CFTR: variants seen among roughly 807,000 people sequenced by gnomAD.
The protein encoded by CFTR is CF transmembrane conductance regulator.
In CFTR, 181 loss-of-function variants were observed where a neutral mutation model predicts 171.6. The observed-to-expected ratio is 1.05, with a 90% CI of 0.93 to 1.19. The LOEUF is 1.19. Among genes scored for constraint, CFTR ranks in the 50% most tolerant of loss-of-function variants. CFTR has a pLI of 0.00. For missense variants in CFTR, 1,968 were observed against 1,734.7 expected, an observed-to-expected ratio of 1.13 and a Z score of -2.39; for synonymous variants, 583 against 608.0, an observed-to-expected ratio of 0.96 and a Z score of 0.60.
intron 26 of CFTR, among the ~76,000 whole-genome samples, chr7:117,666,215 C>T (rs898877207): frequency 6.6e-6 from 1 of 152,146 alleles, no homozygotes; most frequent in Non-Finnish European, 1.5e-5. Context: ...CAAAACAAAA[C>T]TGTCACAGCT....
chr7:117,612,031 A>G (rs867950244), intron 20 of CFTR, among the ~76,000 whole-genome samples: 1,118 of 75,074 alleles, frequency 0.015, 51 homozygotes, highest in African/African-American at 0.06. Context: ...ATGTATATAT[A>G]TATATATATA....
chr7:117,573,301 T>C (rs1289169885), intron 11 of CFTR, among the ~76,000 whole-genome samples: 1 of 152,192 alleles, frequency 6.6e-6, no homozygotes. Context: ...TTAATCTTTA[T>C]TGCACACTTA....
intron 10 of CFTR, among the ~76,000 whole-genome samples, chr7:117,556,275 G>A (rs1168388752): frequency 2.0e-5 from 3 of 151,922 alleles, no homozygotes. Context: ...ATGTTGGCCA[G>A]GATGGTATTG....
intron 11 of CFTR, among the ~76,000 whole-genome samples, chr7:117,573,057 T>TC (rs1554386731): frequency 3.9e-5 from 4 of 103,500 alleles, no homozygotes; most frequent in Admixed American, 9.4e-5. Flanking sequence ...TCTCTCTCTC[T>TC]TGCTCTCTCT....
chr7:117,489,437 A>G (rs17139943), intron 1 of CFTR, among the ~76,000 whole-genome samples: 44,925 of 152,000 alleles, frequency 0.3, 8,647 homozygotes, highest in African/African-American at 0.55. Context: ...GGTAAATTCT[A>G]TAACCAATAT....
chr7:117,660,566 G>T (rs1047656886), intron 24 of CFTR, among the ~76,000 whole-genome samples: 8 of 151,944 alleles, frequency 5.3e-5, no homozygotes, highest in African/African-American at 1.7e-4. Flanking sequence ...GGAGTCGGAG[G>T]TTGCAGTGAG....
chr7:117,662,507 C>T (rs1793308344), intron 24 of CFTR, among the ~76,000 whole-genome samples: 2 of 152,268 alleles, frequency 1.3e-5, no homozygotes, highest in East Asian at 1.9e-4. Context: ...TAGGGAACTA[C>T]AAGATGTTTG....
chr7:117,665,007 A>T, intron 25 of CFTR, 147 bp downstream of exon 25: 1 of 880,458 alleles, frequency 1.1e-6, no homozygotes, highest in Non-Finnish European at 1.9e-6. Context: ...AGTGGAAATG[A>T]GCATAAATGC....
At chr7:117,630,856 A>AG (rs1792729927) in intron 22 of CFTR, among the ~76,000 whole-genome samples, 1 of 152,138 alleles carries the variant, frequency 6.6e-6, no homozygotes, top group Non-Finnish European at 1.5e-5. Flanking sequence ...TGGGTGGGAA[A>AG]GGGTGCTCCA....
chr7:117,537,724 T>G (rs962401078), intron 7 of CFTR, among the ~76,000 whole-genome samples: 7 of 152,312 alleles, frequency 4.6e-5, no homozygotes, highest in Admixed American at 3.9e-4. Context: ...GCTCACCTGT[T>G]TTTGTTATGC....
chr7:117,494,825 C>T (rs929302744), intron 1 of CFTR, among the ~76,000 whole-genome samples: 8 of 152,050 alleles, frequency 5.3e-5, no homozygotes, highest in African/African-American at 1.9e-4. Context: ...TATTTTGTTC[C>T]TATATTAGGC....
At chr7:117,636,936 C>T (rs1792835641) in intron 22 of CFTR, among the ~76,000 whole-genome samples, 1 of 151,952 alleles carries the variant, frequency 6.6e-6, no homozygotes, top group Non-Finnish European at 1.5e-5. Context: ...TCCTCCTCAG[C>T]CTCCCAAGTA....
intron 11 of CFTR, among the ~76,000 whole-genome samples, chr7:117,578,100 T>C (rs1791797315): frequency 6.6e-6 from 1 of 152,100 alleles, no homozygotes; most frequent in Non-Finnish European, 1.5e-5. Flanking sequence ...TGCATGTATA[T>C]TCAATTGTAT....
chr7:117,542,678 A>G (rs1465895882), intron 9 of CFTR, among the ~76,000 whole-genome samples: 1 of 152,206 alleles, frequency 6.6e-6, no homozygotes, highest in African/African-American at 2.4e-5. Context: ...CAGAGATCAT[A>G]AGTTTTGGAG....
intron 24 of CFTR, among the ~76,000 whole-genome samples, chr7:117,658,023 C>T (rs2082955606): frequency 6.6e-6 from 1 of 152,092 alleles, no homozygotes; most frequent in Admixed American, 6.6e-5. Context: ...TTCCTGGGTC[C>T]ACACCTTTAC....
chr7:117,643,136 G>A (rs780609986), intron 23 of CFTR, among the ~76,000 whole-genome samples: 1 of 151,986 alleles, frequency 6.6e-6, no homozygotes, highest in Non-Finnish European at 1.5e-5. Context: ...ATCATTCTAC[G>A]AATTAGAATG....
intron 11 of CFTR, chr7:117,564,574 A>G (rs1032991008): frequency 2.4e-5 from 4 of 166,300 alleles, no homozygotes; most frequent in Middle Eastern, 3.4e-3. Context: ...TATGTTCTCT[A>G]TGAAGCCCCG....
chr7:117,598,482 G>A (rs1341666225), intron 15 of CFTR, among the ~76,000 whole-genome samples: 2 of 152,184 alleles, frequency 1.3e-5, no homozygotes, highest in Admixed American at 6.5e-5. Flanking sequence ...GATGATATTT[G>A]TAAAGTGTCA....
At chr7:117,641,881 G>A (rs1792920442) in intron 22 of CFTR, among the ~76,000 whole-genome samples, 3 of 152,340 alleles carry the variant, frequency 2.0e-5, no homozygotes, top group Non-Finnish European at 4.4e-5. Context: ...CTCATTCACT[G>A]AGGAGTGGTA....
Sources: allele counts gnomAD v4.1 joint callset (sites outside exome capture counted in the v4.1 genomes callset), GRCh38; gene constraint gnomAD v4.1.1; transcripts MANE v1.5; gene names NCBI Gene and HGNC (gene_info 2026-07-23, HGNC 2026-07-21).